PRKCE: variants seen among roughly 807,000 people sequenced by gnomAD.
The protein encoded by PRKCE is protein kinase C epsilon.
A neutral mutation model predicts 85.4 loss-of-function variants in PRKCE; 16 were observed. The observed-to-expected ratio is 0.19, with a 90% CI of 0.13 to 0.28. The LOEUF (loss-of-function observed/expected upper bound fraction) is 0.28. Ranked by LOEUF, PRKCE falls within the 10% of genes least tolerant of loss-of-function variation. PRKCE has a pLI of 1.00. For missense variants in PRKCE, 573 were observed against 975.2 expected (o/e 0.59, Z 5.49); for synonymous variants, 388 against 371.5 (o/e 1.04, Z -0.51).
At chr2:45,845,287 C>CA (rs761304969) in intron 2 of PRKCE, 1 of 151,776 alleles carries the variant, frequency 6.6e-6, no homozygotes, top group Non-Finnish European at 1.5e-5. Context: ...GAAACCACAA[C>CA]ATTTCATACC....
intron 1 of PRKCE, among the ~76,000 whole-genome samples, chr2:45,723,419 T>C (rs2104480931): frequency 6.6e-6 from 1 of 152,286 alleles, no homozygotes; most frequent in Non-Finnish European, 1.5e-5. Flanking sequence ...TCAACACAGA[T>C]GTGCTTCTAG....
chr2:45,914,644 C>T (rs1387346621), intron 2 of PRKCE, among the ~76,000 whole-genome samples: 1 of 152,192 alleles, frequency 6.6e-6, no homozygotes, highest in Non-Finnish European at 1.5e-5. Flanking sequence ...AGAGCTTCCT[C>T]AGCAGGTTCT....
chr2:46,083,702 T>A (rs867922230), intron 10 of PRKCE, among the ~76,000 whole-genome samples: 14 of 152,182 alleles, frequency 9.2e-5, no homozygotes, highest in African/African-American at 2.7e-4. Context: ...GGATTCAGAT[T>A]TTCAGACTCC....
At chr2:46,010,555 G>T in intron 10 of PRKCE, 38 bp downstream of exon 10, 1 of 1,597,836 alleles carries the variant, frequency 6.3e-7, no homozygotes, top group East Asian at 2.2e-5. Context: ...CCATGTTGGG[G>T]CATCTTGACT....
intron 1 of PRKCE, among the ~76,000 whole-genome samples, chr2:45,785,633 C>A (rs1686542756): frequency 6.6e-6 from 1 of 152,142 alleles, no homozygotes; most frequent in South Asian, 2.1e-4. Context: ...TGGATGAGGA[C>A]TCTTGCTGAA....
At chr2:45,884,972 TATATATATATATATATATATATA>T (rs1403431698) in intron 2 of PRKCE, among the ~76,000 whole-genome samples, 8 of 61,152 alleles carry the variant, frequency 1.3e-4, no homozygotes, top group Non-Finnish European at 1.8e-4. Context: ...TATATATATA[TATATATATATATATATATATATA>T]TATATATTTG....
At chr2:45,713,291 A>G (rs1486411633) in intron 1 of PRKCE, among the ~76,000 whole-genome samples, 1 of 152,226 alleles carries the variant, frequency 6.6e-6, no homozygotes, top group Non-Finnish European at 1.5e-5. Context: ...AGATGGGAAG[A>G]GCCACAGGAG....
chr2:46,001,596 T>A lies in PRKCE; in HGVS notation c.966+50T>A. On this transcript the variant is annotated intron_variant, in intron 7 of 14. Transcript: ENST00000306156. The surrounding 1 kb of genome is among the most constrained non-coding windows in gnomAD (Gnocchi z 4.4). ...CTGGAGCCCTTTTCAGGCTAGCATT[T>A]CTGTGCTGACTTCCAGAGGGTGCTC... is the stretch of plus-strand genomic sequence containing the variant. 1.3e-6 allele frequency: 2 copies of A among 1,571,372 alleles called. No individual in the cohort carries two copies. The highest frequency in any genetic ancestry group is 1.7e-6 in the Non-Finnish European group (2 of 1,163,190).
rs13432468 is a variant in PRKCE, at chr2:46,077,516, G to A, written c.1438-8692G>A. Among the ~76,000 whole-genome samples the A allele has an allele frequency of 5.3e-3, 803 of 152,280 alleles. 2 individuals carry two copies. The highest frequency in any genetic ancestry group is 8.6e-3 in the Non-Finnish European group (588 of 68,026). ...TGGATGGAATTGGCCTTTGCTATAG[G>A]AGTTTGATTGTGATAACTCTGAATT... On this transcript the variant is annotated intron_variant, in intron 10 of 14. Coordinates refer to ENST00000306156, the MANE Select transcript of PRKCE (RefSeq NM_005400.3).
intron 11 of PRKCE, among the ~76,000 whole-genome samples, chr2:46,096,813 A>G (rs1403727187): frequency 6.6e-6 from 1 of 152,250 alleles, no homozygotes; most frequent in Non-Finnish European, 1.5e-5. Context: ...AATGCTGGGC[A>G]AATGACCTCA....
chr2:45,676,903 C>T (rs1324570309), intron 1 of PRKCE: 2 of 152,196 alleles, frequency 1.3e-5, no homozygotes, highest in Non-Finnish European at 2.9e-5. Flanking sequence ...GTACCCTAAT[C>T]TCAGAGGGCT....
chr2:45,776,770 T>C lies in PRKCE; in HGVS notation c.349-66230T>C, dbSNP rs187047002. On this transcript the variant is annotated intron_variant, in intron 1 of 14. Coordinates refer to ENST00000306156, the MANE Select transcript of PRKCE (RefSeq NM_005400.3). ...GTGGTTTCAGGGCCTTGGAGAAAAC[T>C]GCTGGAGGAAGGCCAGCCTCACAGC... 3.4e-3 allele frequency among the ~76,000 whole-genome samples: 523 copies of C among 152,328 alleles called. 2 individuals are homozygous for C. Among genetic ancestry groups the C allele is most frequent in the African/African-American group, 0.011 (441 of 41,582 alleles).
intron 2 of PRKCE, among the ~76,000 whole-genome samples, chr2:45,928,955 A>C (rs1698836693): frequency 6.6e-6 from 1 of 152,116 alleles, no homozygotes; most frequent in South Asian, 2.1e-4. Flanking sequence ...AGTTGTGCTT[A>C]TTGTAGGCGG....
intron 2 of PRKCE, among the ~76,000 whole-genome samples, chr2:45,885,624 G>A (rs180695841): frequency 9.1e-4 from 139 of 152,290 alleles, no homozygotes; most frequent in African/African-American, 3.2e-3. Context: ...GTGCATAATC[G>A]TAGCCCAGCC....
chr2:45,980,863 C>T (rs1003847271), intron 5 of PRKCE, among the ~76,000 whole-genome samples: 1 of 152,200 alleles, frequency 6.6e-6, no homozygotes, highest in South Asian at 2.1e-4. Context: ...GGGCACTTAC[C>T]GTGCCCTGAT....
intron 1 of PRKCE, among the ~76,000 whole-genome samples, chr2:45,660,586 C>T (rs1008691056): frequency 1.3e-5 from 2 of 152,178 alleles, no homozygotes; most frequent in African/African-American, 4.8e-5. Flanking sequence ...ATTTCAAATT[C>T]CGGCGCCTGA....
At chr2:46,081,662 A>G (rs920922305) in intron 10 of PRKCE, among the ~76,000 whole-genome samples, 1 of 152,246 alleles carries the variant, frequency 6.6e-6, no homozygotes, top group Non-Finnish European at 1.5e-5. Flanking sequence ...CCAGGCAGAA[A>G]GAACAGTGTG....
intron 14 of PRKCE, among the ~76,000 whole-genome samples, chr2:46,180,481 T>C (rs1679865873): frequency 6.6e-6 from 1 of 152,154 alleles, no homozygotes; most frequent in African/African-American, 2.4e-5. Context: ...AGCACTAGGA[T>C]GTTCAGGCAG....
chr2:45,916,814 C>G (rs1573866206), intron 2 of PRKCE, among the ~76,000 whole-genome samples: 1 of 152,196 alleles, frequency 6.6e-6, no homozygotes, highest in Non-Finnish European at 1.5e-5. Context: ...TGGACCCTCA[C>G]GCTGAGTGTT....
Sources: gnomAD v4.1 joint callset for allele counts (sites outside exome capture counted in the v4.1 genomes callset) on GRCh38, gnomAD v4.1.1 for gene constraint, Gnocchi (gnomAD v3.1) non-coding constraint, MANE v1.5 for transcripts, NCBI Gene and HGNC (gene_info 2026-07-23, HGNC 2026-07-21) for gene names.